The following ERCC6L variants were observed in gnomAD, a reference collection of about 807,000 sequenced individuals.
ERCC6L encodes the protein DNA excision repair protein ERCC-6-like.
In ERCC6L, 7 loss-of-function variants were observed where a neutral mutation model predicts 20.1. The ratio of observed to expected loss-of-function variants is 0.35; its 90% confidence interval spans 0.20 to 0.65. The LOEUF is 0.65. Ranked by LOEUF, ERCC6L falls within the 30% of genes least tolerant of loss-of-function variation. The pLI is 0.69. For synonymous variants in ERCC6L, 278 were observed against 331.3 expected (o/e 0.84, Z 1.75); for missense variants, 592 against 892.4 (o/e 0.66, Z 4.29).
rs763231109 is a variant in ERCC6L, at chrX:72,205,801, C to T, written c.2966G>A (p.Arg989Lys). 2 of 1,212,079 alleles carry T rather than the reference C, an allele frequency of 1.7e-6. No individual in the cohort carries two copies. Among genetic ancestry groups the T allele is most frequent in the Non-Finnish European group, 1.1e-6 (1 of 895,585 alleles). Residue 989 changes from arginine (R) to lysine (K), a missense_variant, in exon 2 of 2, where the codon AGA becomes AAA. Physicochemically the swap from Arg to Lys is conservative, Grantham distance 26 (BLOSUM62 2). Transcript: ENST00000334463. Reference protein sequence around the residue: ...NSLCGSAPNSRAGFVHSKTCL... With the variant: ...NSLCGSAPNSKAGFVHSKTCL... Reference sequence around the variant, plus strand: ...TGTTTTGCTATGCACAAACCCTGCTCTGGAATTAGGTGCAGAGCCACACAA... The same window carrying T: ...TGTTTTGCTATGCACAAACCCTGCTTTGGAATTAGGTGCAGAGCCACACAA...
At chrX:72,226,957 C>T (rs1046213372) in intron 1 of ERCC6L, among the ~76,000 whole-genome samples, 1 of 111,789 alleles carries the variant, frequency 8.9e-6, no homozygotes, top group African/African-American at 3.3e-5. Context: ...TATAAAGGAA[C>T]AGCTAAAGGC....
In ERCC6L at chrX:72,208,465, T is replaced by C. The variant is rs2042833867; in HGVS notation, c.302A>G (p.Lys101Arg). Residue 101 changes from lysine (K) to arginine (R), a missense_variant, in exon 2 of 2, where the codon AAG becomes AGG. Lys to Arg is a conservative substitution (Grantham distance 26). Around this residue, in one of 3 missense-constraint regions of ERCC6L, gnomAD observed 196 missense variants for 440.1 expected, o/e 0.45. Transcript: ENST00000334463. Reference protein sequence around the residue: ...ELHNQLFEHQKEGIAFLYSLY... With the variant: ...ELHNQLFEHQREGIAFLYSLY... ...GCTATAGAGGAAAGCTATGCCTTCCTTCTGGTGCTCAAAGAGTTGGTTGTG... is the reference window on the plus strand; with the variant it reads ...GCTATAGAGGAAAGCTATGCCTTCCCTCTGGTGCTCAAAGAGTTGGTTGTG... The C allele has an allele frequency of 8.3e-7, 1 of 1,211,883 alleles. No individual in the cohort carries two copies. Among genetic ancestry groups the C allele is most frequent in the East Asian group, 3.0e-5 (1 of 33,832 alleles).
At position 72,206,462 on chromosome X, in the gene ERCC6L, T is replaced by G; in HGVS notation, c.2305A>C (p.Ser769Arg). The change falls in exon 2 of 2, where the codon AGT becomes CGT. Residue 769 changes from serine (S) to arginine (R), a missense_variant. By Grantham distance (110) the Ser-to-Arg change is moderately radical (BLOSUM62 -1). Around this residue, in one of 3 missense-constraint regions of ERCC6L, gnomAD observed 352 missense variants for 402.6 expected, o/e 0.87. Transcript: ENST00000334463. ...STHHTQEEDI[S>R]SKMASVVIDD... ...ATGACTACACTTGCCATTTTGGAACTGATATCTTCTTCCTGAGTATGATGA... is the reference window on the plus strand; with the variant it reads ...ATGACTACACTTGCCATTTTGGAACGGATATCTTCTTCCTGAGTATGATGA... 3.3e-6 allele frequency: 4 copies of G among 1,211,207 alleles called. No individual in the cohort carries two copies. The highest frequency in any genetic ancestry group is 4.5e-6 in the Non-Finnish European group (4 of 895,316).
At chrX:72,238,300 T>C (rs939055204) in intron 1 of ERCC6L, among the ~76,000 whole-genome samples, 11 of 111,788 alleles carry the variant, frequency 9.8e-5, no homozygotes, top group Non-Finnish European at 1.9e-4. Flanking sequence ...TGGTGAATGT[T>C]TACTCATTTT....
Position 72,206,924 on chromosome X carries a change from G to T in ERCC6L, c.1843C>A (p.Pro615Thr). Residue 615 changes from proline to threonine, a missense_variant, in exon 2 of 2, where the codon CCT (proline) becomes ACT (threonine). Pro to Thr is a conservative substitution (Grantham distance 38). Around this residue, in one of 3 missense-constraint regions of ERCC6L, gnomAD observed 196 missense variants for 440.1 expected, o/e 0.45. Coordinates refer to ENST00000334463, the MANE Select transcript of ERCC6L (RefSeq NM_017669.4). ...TCTTGTTTACTAAAATATCGGAAAG[G>T]GTTCTTTTTTTCACCAGTAGTTTGT... ...IRQTTGEKKN[P>T]FRYFSKQELR... is the part of the protein sequence containing the mutation. The T allele has an allele frequency of 8.3e-7, 1 of 1,210,617 alleles. No homozygotes were observed. The highest frequency in any genetic ancestry group is 1.1e-6 in the Non-Finnish European group (1 of 894,988).
In ERCC6L at chrX:72,205,525, C is replaced by T; in HGVS notation, c.3242G>A (p.Ser1081Asn). 8.3e-7 allele frequency: 1 copy of T among 1,211,560 alleles called. No homozygotes were observed. Among genetic ancestry groups the T allele is most frequent in the Non-Finnish European group, 1.1e-6 (1 of 895,377 alleles). The change falls in exon 2 of 2, where the codon AGT becomes AAT. Residue 1081 changes from serine (S) to asparagine (N), a missense_variant. By Grantham distance (46) the Ser-to-Asn change is conservative (BLOSUM62 1). Around this residue, in one of 3 missense-constraint regions of ERCC6L, gnomAD observed 352 missense variants for 402.6 expected, o/e 0.87. Coordinates refer to ENST00000334463, the MANE Select transcript of ERCC6L (RefSeq NM_017669.4). Reference sequence around the variant, plus strand: ...AGAGTTCATAGACTTATTTACACTACTGGGTATTTGAGATGAAAAGAACCT... The same window carrying T: ...AGAGTTCATAGACTTATTTACACTATTGGGTATTTGAGATGAAAAGAACCT... The part of the protein sequence containing the change: ...PGRFFSSQIP[S>N]SVNKSMNSRR...
rs1324081712 is a variant in ERCC6L at position 72,207,504 on chromosome X, A to T, written c.1263T>A (p.Ala421=). 3.3e-6 allele frequency: 4 copies of T among 1,208,663 alleles called. No individual in the cohort carries two copies. Among genetic ancestry groups the T allele is most frequent in the African/African-American group, 1.8e-5 (1 of 57,115 alleles). Residue 421 remains alanine, a synonymous_variant, in exon 2 of 2, where the codon GCT becomes GCA. Transcript: ENST00000334463. ...ATGTCCCAAGATTTAGCAAACAACA[A>T]GCCCGTGCAGACAGCAGCCTAGGAT... is the stretch of plus-strand genomic sequence containing the variant. ...CDHPRLLSAR[A]CCLLNLGTFS... is the part of the protein sequence containing the mutation.
chrX:72,226,787 C>A (rs966799377), intron 1 of ERCC6L, among the ~76,000 whole-genome samples: 3 of 111,485 alleles, frequency 2.7e-5, no homozygotes, highest in Non-Finnish European at 5.6e-5. Flanking sequence ...CTAATCACAG[C>A]GGGGGCACAA....
At chrX:72,223,514 C>G (rs1236124282) in intron 1 of ERCC6L, among the ~76,000 whole-genome samples, 2 of 106,104 alleles carry the variant, frequency 1.9e-5, no homozygotes, top group African/African-American at 6.9e-5. Flanking sequence ...CTCAGCCTCC[C>G]GAGTAGCTGG....
In ERCC6L at chrX:72,206,125, A is replaced by G. The variant is rs2042818113; in HGVS notation, c.2642T>C (p.Leu881Ser). Residue 881 changes from leucine (L) to serine (S), a missense_variant, in exon 2 of 2, where the codon TTA becomes TCA. Transcript: ENST00000334463. ...AATCTCATCATCCTTTAGTTGATCT[A>G]AATTTGGCCCAATATCAGCTTTGGT... is the stretch of plus-strand genomic sequence containing the variant. ...KSTKADIGPNLDQLKDDEILR... is the reference protein window; with the variant it reads ...KSTKADIGPNSDQLKDDEILR... The G allele has an allele frequency of 8.3e-7, 1 of 1,211,948 alleles. No homozygotes were observed. Among genetic ancestry groups the G allele is most frequent in the Admixed American group, 2.2e-5 (1 of 46,048 alleles).
chrX:72,220,598 C>G (rs1011873799), intron 1 of ERCC6L, among the ~76,000 whole-genome samples: 2 of 110,356 alleles, frequency 1.8e-5, no homozygotes, highest in African/African-American at 6.6e-5. Flanking sequence ...CAGGAGGATG[C>G]CAGCCTTGAG....
chrX:72,234,607 A>G (rs750881876), intron 1 of ERCC6L, among the ~76,000 whole-genome samples: 2 of 111,380 alleles, frequency 1.8e-5, no homozygotes, highest in East Asian at 5.6e-4. Flanking sequence ...TTTAACAATG[A>G]AAGAATTGGT....
chrX:72,213,931 C>T (rs34245782), intron 1 of ERCC6L, among the ~76,000 whole-genome samples: 5 of 112,314 alleles, frequency 4.5e-5, no homozygotes, highest in South Asian at 7.4e-4. Context: ...AACAGTTTCC[C>T]TATACTGATC....
At chrX:72,235,481 C>T (rs1461604056) in intron 1 of ERCC6L, among the ~76,000 whole-genome samples, 1 of 108,056 alleles carries the variant, frequency 9.3e-6, no homozygotes, top group Non-Finnish European at 1.9e-5. Context: ...CTGCAACCTC[C>T]ACCTCCTGGG....
At chrX:72,226,118 T>C (rs1364813014) in intron 1 of ERCC6L, among the ~76,000 whole-genome samples, 1 of 111,839 alleles carries the variant, frequency 8.9e-6, no homozygotes, top group Non-Finnish European at 1.9e-5. Context: ...TCTCTCTTCA[T>C]AGATGCTCCC....
chrX:72,235,389 CT>C lies in ERCC6L; in HGVS notation c.68+3454del, dbSNP rs144267277. Reference sequence around the variant, plus strand: ...CCTCCTCTTCTGCCTCCCTCTTCCACTTTTTTTTTTTTTTTTTTTTTTGGAG... The same window carrying C: ...CCTCCTCTTCTGCCTCCCTCTTCCACTTTTTTTTTTTTTTTTTTTTTGGAG... On this transcript the variant is annotated intron_variant, in intron 1 of 1. Coordinates refer to ENST00000334463, the MANE Select transcript of ERCC6L (RefSeq NM_017669.4). 4.7e-3 allele frequency among the ~76,000 whole-genome samples: 319 copies of C among 68,541 alleles called. 1 individual carries two copies. The highest frequency in any genetic ancestry group is 0.018 in the African/African-American group (263 of 14,763). The allele number at this position is 68,541 out of a possible 115,157, so 59.5% of individuals were successfully genotyped here.
At chrX:72,209,923 A>G (rs1202731224) in intron 1 of ERCC6L, among the ~76,000 whole-genome samples, 1 of 111,267 alleles carries the variant, frequency 9.0e-6, no homozygotes, top group Non-Finnish European at 1.9e-5. Flanking sequence ...ACCATACACA[A>G]AAATTAACTC....
rs565962009 is a variant in ERCC6L, at chrX:72,213,820, G to A, written c.69-5122C>T. Among the ~76,000 whole-genome samples the A allele has an allele frequency of 6.3e-5, 7 of 111,709 alleles. No individual in the cohort carries two copies. The East Asian group carries it at 2.0e-3, about 32-fold the overall frequency. ...CCCAAGGTTCCATTCCTTGGAATCC[G>A]TGAGGCCAAGAACCCCAGGTCAGAG... On this transcript the variant is annotated intron_variant, in intron 1 of 1. Transcript: ENST00000334463.
At chrX:72,233,558 T>A (rs763665623) in intron 1 of ERCC6L, among the ~76,000 whole-genome samples, 1 of 105,014 alleles carries the variant, frequency 9.5e-6, no homozygotes, top group South Asian at 4.4e-4. Flanking sequence ...CTGTCTCTAC[T>A]AAAAATACAA....
Sources: gnomAD v4.1 joint callset for allele counts (sites outside exome capture counted in the v4.1 genomes callset) on GRCh38, gnomAD v4.1.1 for gene constraint, gnomAD v4.1.1 regional missense constraint, MANE v1.5 for transcripts, NCBI Gene and HGNC (gene_info 2026-07-23, HGNC 2026-07-21) for gene names.